MAN2A1: variants seen among roughly 807,000 people sequenced by gnomAD.
The protein encoded by MAN2A1 is mannosidase alpha class 2A member 1, also known as alpha-mannosidase 2.
A neutral mutation model predicts 142.6 loss-of-function variants in MAN2A1; 76 were observed. The observed-to-expected ratio is 0.53, with a 90% confidence interval of 0.44 to 0.65. MAN2A1 has a LOEUF of 0.65. Ranked by LOEUF, MAN2A1 falls within the 30% of genes least tolerant of loss-of-function variation. The probability of loss-of-function intolerance (pLI) is 0.00; values close to 1 mark genes in which losing one functional copy is unlikely to be tolerated. For missense variants in MAN2A1, 1,311 were observed against 1,365.1 expected (o/e 0.96, Z 0.62); for synonymous variants, 559 against 473.2 (o/e 1.18, Z -2.35).
chr5:109,692,626 C>G (rs1423119765), intron 1 of MAN2A1, among the ~76,000 whole-genome samples: 1 of 152,174 alleles, frequency 6.6e-6, no homozygotes, highest in Non-Finnish European at 1.5e-5. Flanking sequence ...CTTTGTAGCC[C>G]AGGCTCCCAG....
chr5:109,779,584 A>ACACACACACACACAC (rs1293213572), intron 8 of MAN2A1, among the ~76,000 whole-genome samples: 2 of 50,380 alleles, frequency 4.0e-5, no homozygotes, highest in African/African-American at 1.3e-4. Flanking sequence ...CACACACACA[A>ACACACACACACACAC]ACACACACAG....
chr5:109,797,028 G>A (rs926355734), intron 12 of MAN2A1, among the ~76,000 whole-genome samples: 2 of 152,130 alleles, frequency 1.3e-5, no homozygotes, highest in African/African-American at 2.4e-5. Flanking sequence ...AACTAACTAC[G>A]TTAGAGAAGG....
intron 4 of MAN2A1, among the ~76,000 whole-genome samples, chr5:109,752,187 C>T (rs1381046993): frequency 3.9e-5 from 6 of 152,212 alleles, no homozygotes; most frequent in South Asian, 2.1e-4. Context: ...TGATGTCTCC[C>T]GTCTTCCTCC....
rs768238978 is a variant in MAN2A1 at position 109,842,806 on chromosome 5, G to GTTTTTTTTTTTT, written c.2700+351_2700+362dup. Reference sequence around the variant, plus strand: ...GGGATTGATGGATTATACTTATTGGGTTTTTTTTTTTTTTTTTGAGAAAGA... The same window carrying GTTTTTTTTTTTT: ...GGGATTGATGGATTATACTTATTGGGTTTTTTTTTTTTTTTTTTTTTTTTTTTTTGAGAAAGA... On this transcript the variant is annotated intron_variant, in intron 17 of 21. Transcript: ENST00000261483. Among the ~76,000 whole-genome samples the GTTTTTTTTTTTT allele has an allele frequency of 1.7e-3, 200 of 116,148 alleles. 18 individuals carry two copies. Among genetic ancestry groups the GTTTTTTTTTTTT allele is most frequent in the East Asian group, 6.3e-3 (20 of 3,170 alleles). 76.2% of individuals were successfully genotyped at this position (116,148 alleles called of 152,430 possible). A position where few individuals can be genotyped will look rare whatever the true frequency, so the allele number is the denominator to read the frequency against.
At chr5:109,834,072 A>T (rs1387983472) in intron 16 of MAN2A1, among the ~76,000 whole-genome samples, 2 of 152,150 alleles carry the variant, frequency 1.3e-5, no homozygotes, top group Non-Finnish European at 2.9e-5. Context: ...AACATCTGTC[A>T]TGGAGGCAGG....
chr5:109,833,689 T>TGGGGGGG (rs1754989001), intron 16 of MAN2A1, among the ~76,000 whole-genome samples: 1 of 11,836 alleles, frequency 8.4e-5, no homozygotes, highest in African/African-American at 3.7e-4. Context: ...AGGGAGACTG[T>TGGGGGGG]GGGGAGGGGG....
At chr5:109,744,223 G>A (rs999551327) in intron 4 of MAN2A1, among the ~76,000 whole-genome samples, 1 of 152,032 alleles carries the variant, frequency 6.6e-6, no homozygotes, top group African/African-American at 2.4e-5. Flanking sequence ...GAAAACAGCA[G>A]GGAAGACATG....
At chr5:109,780,255 T>A (rs1301818995) in intron 8 of MAN2A1, among the ~76,000 whole-genome samples, 1 of 151,512 alleles carries the variant, frequency 6.6e-6, no homozygotes, top group Non-Finnish European at 1.5e-5. Context: ...AGAGACGGGG[T>A]TTACTGTGTT....
intron 20 of MAN2A1, chr5:109,864,615 G>A (rs953730130): frequency 5.2e-5 from 8 of 154,894 alleles, no homozygotes; most frequent in South Asian, 2.0e-4. Context: ...TTTTAAGTTA[G>A]ATGGTATGTC....
At chr5:109,856,587 TC>T (rs1755610033) in intron 20 of MAN2A1, among the ~76,000 whole-genome samples, 1 of 152,216 alleles carries the variant, frequency 6.6e-6, no homozygotes, top group East Asian at 1.9e-4. Context: ...TAAATTGCTG[TC>T]CTGCCATCAA....
At chr5:109,800,495 T>C (rs752643754) in intron 12 of MAN2A1, among the ~76,000 whole-genome samples, 7 of 152,174 alleles carry the variant, frequency 4.6e-5, no homozygotes, top group East Asian at 1.9e-4. Flanking sequence ...TAATCAGATA[T>C]GGAGGTGGAG....
At chr5:109,811,265 A>G (rs1037074930) in intron 12 of MAN2A1, among the ~76,000 whole-genome samples, 3 of 152,172 alleles carry the variant, frequency 2.0e-5, no homozygotes, top group Admixed American at 6.5e-5. Context: ...TTAAGGATGT[A>G]TGTATATTAT....
intron 4 of MAN2A1, among the ~76,000 whole-genome samples, chr5:109,751,611 A>C (rs538114967): frequency 6.6e-6 from 1 of 151,792 alleles, no homozygotes; most frequent in Non-Finnish European, 1.5e-5. Flanking sequence ...TAATAATGTA[A>C]ATGTTTTTTA....
intron 20 of MAN2A1, among the ~76,000 whole-genome samples, chr5:109,856,667 T>A (rs886659331): frequency 6.6e-6 from 1 of 152,172 alleles, no homozygotes; most frequent in Non-Finnish European, 1.5e-5. Context: ...TCCTCAGTTT[T>A]TTGAGAGAGA....
chr5:109,716,129 G>A lies in MAN2A1; in HGVS notation c.400G>A (p.Val134Ile), dbSNP rs1348437754. Residue 134 changes from valine (V) to isoleucine (I), a missense_variant, in exon 3 of 22, where the codon GTT becomes ATT. Coordinates refer to ENST00000261483, the MANE Select transcript of MAN2A1 (RefSeq NM_002372.4). ...TCTTTTACATTTTTAGATGTTGGATGTTTACAGTCTAATTTCTTTTGACAA... is the reference window on the plus strand; with the variant it reads ...TCTTTTACATTTTTAGATGTTGGATATTTACAGTCTAATTTCTTTTGACAA... Reference protein sequence around the residue: ...SHNSDVQMLDVYSLISFDNPD... With the variant: ...SHNSDVQMLDIYSLISFDNPD... 1 of 1,600,900 alleles carries A rather than the reference G, an allele frequency of 6.2e-7. No individual in the cohort carries two copies. The highest frequency in any genetic ancestry group is 8.5e-7 in the Non-Finnish European group (1 of 1,173,564).
At chr5:109,704,050 G>A (rs1751060690) in intron 1 of MAN2A1, among the ~76,000 whole-genome samples, 1 of 152,166 alleles carries the variant, frequency 6.6e-6, no homozygotes, top group Non-Finnish European at 1.5e-5. Context: ...GGGTGGTGAG[G>A]GAATGAGATG....
intron 3 of MAN2A1, among the ~76,000 whole-genome samples, chr5:109,725,928 G>GT (rs1751731667): frequency 2.6e-5 from 4 of 151,982 alleles, no homozygotes; most frequent in Admixed American, 2.6e-4. Context: ...AAAAATAGTG[G>GT]TATCGAATTT....
At chr5:109,842,948 G>A (rs1755249901) in intron 17 of MAN2A1, among the ~76,000 whole-genome samples, 1 of 151,742 alleles carries the variant, frequency 6.6e-6, no homozygotes, top group South Asian at 2.1e-4. Context: ...TGGCACTACA[G>A]GCGCACACCA....
intron 4 of MAN2A1, among the ~76,000 whole-genome samples, chr5:109,740,376 G>A (rs1752233249): frequency 6.6e-6 from 1 of 152,196 alleles, no homozygotes; most frequent in African/African-American, 2.4e-5. Context: ...TGAGCCTGGG[G>A]CTGGCTTTCT....
Sources: allele counts gnomAD v4.1 joint callset (sites outside exome capture counted in the v4.1 genomes callset), GRCh38; gene constraint gnomAD v4.1.1; transcripts MANE v1.5; gene names NCBI Gene and HGNC (gene_info 2026-07-23, HGNC 2026-07-21).